The following TMPRSS15 variants were observed in gnomAD, a reference collection of about 807,000 sequenced individuals.
TMPRSS15 encodes the protein transmembrane serine protease 15.
In TMPRSS15, 128 loss-of-function variants were observed where a neutral mutation model predicts 125.3. The observed-to-expected ratio is 1.02, with a 90% CI of 0.89 to 1.18. The LOEUF (loss-of-function observed/expected upper bound fraction) is 1.18. Ranked by LOEUF, TMPRSS15 falls within the 50% of genes most tolerant of loss-of-function variation. The pLI is 0.00. For synonymous variants in TMPRSS15, 446 were observed against 423.2 expected (o/e 1.05, Z -0.66); for missense variants, 1,283 against 1,212.7 (o/e 1.06, Z -0.86).
intron 18 of TMPRSS15, among the ~76,000 whole-genome samples, chr21:18,308,449 C>T (rs1376750466): frequency 6.6e-6 from 1 of 151,302 alleles, no homozygotes; most frequent in Non-Finnish European, 1.5e-5. Flanking sequence ...TAAACCAAAT[C>T]GATTTTTTTA....
chr21:18,301,995 T>C (rs961765995), intron 18 of TMPRSS15, among the ~76,000 whole-genome samples: 1 of 152,228 alleles, frequency 6.6e-6, no homozygotes, highest in African/African-American at 2.4e-5. Flanking sequence ...GTATTAAATC[T>C]TCTGCTCTGT....
intron 7 of TMPRSS15, among the ~76,000 whole-genome samples, chr21:18,361,082 A>C (rs1033233093): frequency 6.6e-6 from 1 of 152,174 alleles, no homozygotes; most frequent in Non-Finnish European, 1.5e-5. Context: ...ATAAAAAAAT[A>C]ATGTATCTAG....
rs144149114 is a variant in TMPRSS15, at chr21:18,354,886, G to A, written c.881-1023C>T. Among the ~76,000 whole-genome samples, 10 of 151,894 alleles carry A rather than the reference G, an allele frequency of 6.6e-5. No individual in the cohort carries two copies. The East Asian group carries it at 1.9e-3, about 29-fold the overall frequency. Reference sequence around the variant, plus strand: ...ATGAACCACTGTGAAATAACAGTGAGTTATTTAACATTGAGTTCTGAAAAG... The same window carrying A: ...ATGAACCACTGTGAAATAACAGTGAATTATTTAACATTGAGTTCTGAAAAG... On this transcript the variant is annotated intron_variant, in intron 8 of 24. Transcript: ENST00000284885.
intron 5 of TMPRSS15, among the ~76,000 whole-genome samples, chr21:18,374,479 CAAAAAAAAAA>C (rs1165884199): frequency 3.3e-5 from 2 of 59,906 alleles, no homozygotes; most frequent in Non-Finnish European, 5.5e-5. Context: ...GACTCCGTCT[CAAAAAAAAAA>C]AAAAAAAAAA....
chr21:18,395,704 T>C (rs923776935), intron 3 of TMPRSS15, among the ~76,000 whole-genome samples: 2 of 152,192 alleles, frequency 1.3e-5, no homozygotes, highest in Admixed American at 6.5e-5. Flanking sequence ...TATGATGCCT[T>C]ATTATTTATC....
intron 1 of TMPRSS15, among the ~76,000 whole-genome samples, chr21:18,451,996 G>A (rs1296522350): frequency 1.3e-5 from 2 of 150,920 alleles, no homozygotes; most frequent in Admixed American, 6.6e-5. Context: ...TCCAGTTGAT[G>A]TGGTTCAATT....
At chr21:18,482,560 ATAT>A (rs1979002025) in intron 1 of TMPRSS15, among the ~76,000 whole-genome samples, 1 of 151,576 alleles carries the variant, frequency 6.6e-6, no homozygotes, top group African/African-American at 2.4e-5. Context: ...AATAAGTAAA[ATAT>A]TATGTACCAA....
chr21:18,327,727 C>CTT (rs5842682), intron 15 of TMPRSS15, among the ~76,000 whole-genome samples: 10 of 151,928 alleles, frequency 6.6e-5, no homozygotes, highest in East Asian at 5.8e-4. Flanking sequence ...AGATAAAACA[C>CTT]TTTTTTTGTG....
At chr21:18,426,723 ATTTG>A (rs1569066448) in intron 1 of TMPRSS15, among the ~76,000 whole-genome samples, 1 of 152,190 alleles carries the variant, frequency 6.6e-6, no homozygotes, top group Admixed American at 6.5e-5. Context: ...ATTGTCAAAG[ATTTG>A]TTTTATTTCA....
At chr21:18,331,191 T>C (rs1179171572) in intron 14 of TMPRSS15, among the ~76,000 whole-genome samples, 1 of 152,060 alleles carries the variant, frequency 6.6e-6, no homozygotes, top group Non-Finnish European at 1.5e-5. Flanking sequence ...TTGTCTACAA[T>C]ATTGGCCCTA....
chr21:18,326,508 A>G lies in TMPRSS15; in HGVS notation c.1845T>C (p.Leu615=). The G allele has an allele frequency of 1.2e-6, 2 of 1,614,170 alleles. No homozygotes were observed. The highest frequency in any genetic ancestry group is 1.7e-6 in the Non-Finnish European group (2 of 1,179,994). Residue 615 remains leucine, a synonymous_variant, in exon 16 of 25, where the codon CTT becomes CTC. Coordinates refer to ENST00000284885, the MANE Select transcript of TMPRSS15 (RefSeq NM_002772.3). ...TTGCCAACACATCGTTAGTGATGAG[A>G]AGCACAGTCATTCTGTTGGTGGTAG... The part of the protein sequence containing the change: ...VFSTTNRMTV[L]LITNDVLARG...
At chr21:18,356,898 A>T (rs773349129) in intron 8 of TMPRSS15, among the ~76,000 whole-genome samples, 3 of 151,840 alleles carry the variant, frequency 2.0e-5, no homozygotes, top group Non-Finnish European at 4.4e-5. Context: ...CCTCAGGATA[A>T]GCATGGCCTT....
chr21:18,358,885 G>T (rs1475158977), intron 8 of TMPRSS15, among the ~76,000 whole-genome samples: 1 of 151,904 alleles, frequency 6.6e-6, no homozygotes, highest in Non-Finnish European at 1.5e-5. Flanking sequence ...TTATTCAATA[G>T]GATTCACTTT....
Position 18,297,756 on chromosome 21 carries a change from C to T in TMPRSS15, c.2239G>A (p.Gly747Ser), listed in dbSNP as rs775279843. ...PFVKLNTAPD[G>S]HLILTPSQQC... ...CACCTGGGTGTTAGTATTAAGTGGC[C>T]ATCAGGTGCTGTGTTTAATTTGACA... Residue 747 changes from glycine (G) to serine (S), a missense_variant, in exon 19 of 25, where the codon GGC becomes AGC. Gly to Ser is a moderately conservative substitution (Grantham distance 56). Coordinates refer to ENST00000284885, the MANE Select transcript of TMPRSS15 (RefSeq NM_002772.3). 1 of 1,613,620 alleles carries T rather than the reference C, an allele frequency of 6.2e-7. No homozygotes were observed. Among genetic ancestry groups the T allele is most frequent in the Non-Finnish European group, 8.5e-7 (1 of 1,179,648 alleles).
chr21:18,340,977 C>G (rs1381716846), intron 13 of TMPRSS15, among the ~76,000 whole-genome samples: 1 of 152,118 alleles, frequency 6.6e-6, no homozygotes, highest in Non-Finnish European at 1.5e-5. Flanking sequence ...ATTTTGAAGT[C>G]TTTGATTTTC....
In TMPRSS15 at chr21:18,315,173, C is replaced by T. The variant is rs758743894; in HGVS notation, c.2005G>A (p.Glu669Lys). 2 of 1,613,778 alleles carry T rather than the reference C, an allele frequency of 1.2e-6. No individual in the cohort carries two copies. Among genetic ancestry groups the T allele is most frequent in the East Asian group, 2.2e-5 (1 of 44,874 alleles). ...VNLCDGHLHC[E>K]DGSDEADCVR... is the part of the protein sequence containing the mutation. ...CAATCTGCTTCATCTGAGCCATCCT[C>T]ACAGTGCAGATGACCGTCACAGAGA... The change falls in exon 17 of 25, where the codon GAG becomes AAG. Residue 669 changes from glutamate (E) to lysine (K), a missense_variant. By Grantham distance (56) the Glu-to-Lys change is moderately conservative. Coordinates refer to ENST00000284885, the MANE Select transcript of TMPRSS15 (RefSeq NM_002772.3).
chr21:18,297,759 C>T lies in TMPRSS15; in HGVS notation c.2236G>A (p.Asp746Asn). 6.2e-7 allele frequency: 1 copy of T among 1,613,768 alleles called. No individual in the cohort carries two copies. Among genetic ancestry groups the T allele is most frequent in the Non-Finnish European group, 8.5e-7 (1 of 1,179,740 alleles). ...CTGGGTGTTAGTATTAAGTGGCCAT[C>T]AGGTGCTGTGTTTAATTTGACAAAT... ...GPFVKLNTAP[D>N]GHLILTPSQQ... is the part of the protein sequence containing the mutation. The change falls in exon 19 of 25, where the codon GAT becomes AAT. Residue 746 changes from aspartate to asparagine, a missense_variant. Asp to Asn is a conservative substitution (Grantham distance 23). Coordinates refer to ENST00000284885, the MANE Select transcript of TMPRSS15 (RefSeq NM_002772.3).
At chr21:18,442,215 C>A (rs1288924652) in intron 1 of TMPRSS15, among the ~76,000 whole-genome samples, 1 of 152,042 alleles carries the variant, frequency 6.6e-6, no homozygotes, top group East Asian at 1.9e-4. Context: ...TTAAAAATAT[C>A]CTGTATTTCA....
intron 16 of TMPRSS15, among the ~76,000 whole-genome samples, chr21:18,320,798 A>C (rs1211836012): frequency 6.6e-6 from 1 of 152,196 alleles, no homozygotes; most frequent in Non-Finnish European, 1.5e-5. Context: ...TGCAACATAC[A>C]ATAGTTCAGC....
Sources: allele counts gnomAD v4.1 joint callset (sites outside exome capture counted in the v4.1 genomes callset), GRCh38; gene constraint gnomAD v4.1.1; transcripts MANE v1.5; gene names NCBI Gene and HGNC (gene_info 2026-07-23, HGNC 2026-07-21).